Variants in PTPRO observed in about 807,000 individuals in gnomAD.
The protein encoded by PTPRO is protein tyrosine phosphatase receptor type O, also known as receptor-type tyrosine-protein phosphatase O.
A neutral mutation model predicts 145.2 loss-of-function variants in PTPRO; 62 were observed. The ratio of observed to expected loss-of-function variants is 0.43; its 90% CI spans 0.35 to 0.53. The LOEUF (loss-of-function observed/expected upper bound fraction) is 0.53, where lower values mean the gene tolerates loss of function less well. Among genes scored for constraint, PTPRO ranks in the 20% least tolerant of loss-of-function variants. The pLI is 0.01. For synonymous variants in PTPRO, 565 were observed against 514.7 expected, an observed-to-expected ratio of 1.10 and a Z score of -1.32; for missense variants, 1,345 against 1,482.7, an observed-to-expected ratio of 0.91 and a Z score of 1.53.
intron 2 of PTPRO, among the ~76,000 whole-genome samples, chr12:15,489,483 G>T (rs1248369972): frequency 6.6e-6 from 1 of 152,184 alleles, no homozygotes; most frequent in African/African-American, 2.4e-5. Flanking sequence ...GGAACTGAGG[G>T]TTTATGCCCC....
chr12:15,490,273 T>C (rs1440883833), intron 2 of PTPRO, among the ~76,000 whole-genome samples: 1 of 152,192 alleles, frequency 6.6e-6, no homozygotes, highest in Non-Finnish European at 1.5e-5. Context: ...TTTTCAAATC[T>C]ACAATTCATT....
intron 2 of PTPRO, among the ~76,000 whole-genome samples, chr12:15,496,142 G>GTTTTTTTTTTTTTTTTTTTTTTTTTTT (rs71042255): frequency 5.3e-5 from 4 of 75,366 alleles, no homozygotes; most frequent in Admixed American, 1.9e-4. Context: ...TTCTTTTTTT[G>GTTTTTTTTTTTTTTTTTTTTTTTTTTT]TTTTTTTTTT....
chr12:15,467,153 A>G (rs2136407900), intron 1 of PTPRO, among the ~76,000 whole-genome samples: 2 of 152,302 alleles, frequency 1.3e-5, no homozygotes, highest in Admixed American at 1.3e-4. Context: ...AGTAAGCTCT[A>G]GGTGCATAGC....
chr12:15,389,775 T>C (rs1189371703), intron 1 of PTPRO, among the ~76,000 whole-genome samples: 1 of 152,192 alleles, frequency 6.6e-6, no homozygotes. Context: ...CTTCCAACAT[T>C]GCCTGTTTCT....
chr12:15,552,354 C>T (rs538123831), intron 15 of PTPRO, among the ~76,000 whole-genome samples: 1 of 152,252 alleles, frequency 6.6e-6, no homozygotes, highest in Admixed American at 6.5e-5. Flanking sequence ...TATTTGAATA[C>T]TACTTGGTTT....
intron 14 of PTPRO, among the ~76,000 whole-genome samples, chr12:15,549,845 C>T (rs533730677): frequency 1.3e-5 from 2 of 152,300 alleles, no homozygotes; most frequent in African/African-American, 4.8e-5. Flanking sequence ...GGTTTAGTTC[C>T]ATTTCTGTAA....
intron 1 of PTPRO, among the ~76,000 whole-genome samples, chr12:15,409,797 C>T (rs901331815): frequency 6.6e-6 from 1 of 152,200 alleles, no homozygotes; most frequent in East Asian, 1.9e-4. Flanking sequence ...CTCACTATCT[C>T]AAGGACAGTA....
intron 25 of PTPRO, among the ~76,000 whole-genome samples, chr12:15,592,891 G>A (rs1280953034): frequency 6.6e-6 from 1 of 152,162 alleles, no homozygotes; most frequent in Non-Finnish European, 1.5e-5. Context: ...GTCAGTTGGG[G>A]CTTTGCTTTG....
At chr12:15,350,805 T>C (rs1160907000) in intron 1 of PTPRO, among the ~76,000 whole-genome samples, 1 of 152,162 alleles carries the variant, frequency 6.6e-6, no homozygotes, top group East Asian at 1.9e-4. Flanking sequence ...AGTTCACATA[T>C]ACACACAACT....
chr12:15,350,538 A>T (rs1331488400), intron 1 of PTPRO, among the ~76,000 whole-genome samples: 1 of 152,226 alleles, frequency 6.6e-6, no homozygotes, highest in Non-Finnish European at 1.5e-5. Flanking sequence ...ACTGATTGTT[A>T]AATCTGTCTT....
chr12:15,579,578 A>C (rs1944264784), intron 20 of PTPRO, among the ~76,000 whole-genome samples: 1 of 152,246 alleles, frequency 6.6e-6, no homozygotes, highest in Non-Finnish European at 1.5e-5. Context: ...ATAACACTTC[A>C]CATCTGTACA....
At chr12:15,382,396 C>A (rs1476084675) in intron 1 of PTPRO, among the ~76,000 whole-genome samples, 1 of 152,148 alleles carries the variant, frequency 6.6e-6, no homozygotes, top group African/African-American at 2.4e-5. Context: ...TTCCAGGTGG[C>A]AAGTGCCTGG....
chr12:15,422,824 G>C (rs566905696), intron 1 of PTPRO, among the ~76,000 whole-genome samples: 1 of 152,270 alleles, frequency 6.6e-6, no homozygotes, highest in African/African-American at 2.4e-5. Flanking sequence ...GAAGCACAAA[G>C]CACTGAGTAC....
chr12:15,339,788 CAT>C (rs1242259640), intron 1 of PTPRO, among the ~76,000 whole-genome samples: 1 of 152,068 alleles, frequency 6.6e-6, no homozygotes, highest in African/African-American at 2.4e-5. Context: ...AATTACAATT[CAT>C]ATATATATGC....
chr12:15,507,911 G>A (rs768156304), intron 6 of PTPRO, among the ~76,000 whole-genome samples: 1 of 152,208 alleles, frequency 6.6e-6, no homozygotes, highest in Non-Finnish European at 1.5e-5. Flanking sequence ...CATGTCTTGA[G>A]TCCTTACTAG....
chr12:15,472,468 T>G (rs253829), intron 1 of PTPRO, among the ~76,000 whole-genome samples: 140,785 of 152,200 alleles, frequency 0.93, 65,907 homozygotes, highest in East Asian at 1. Context: ...TCTATTCTGA[T>G]CATCCTCCGT....
chr12:15,425,866 A>T lies in PTPRO; in HGVS notation c.76-58108A>T, dbSNP rs193149383. ...GATGTTTAAGTGTTCCCTTTTTAAA[A>T]TATACTTGTCACTGTTCTCATTTAT... On this transcript the variant is annotated intron_variant, in intron 1 of 26. Transcript: ENST00000281171. Among the ~76,000 whole-genome samples, 11 of 152,144 alleles carry T rather than the reference A, an allele frequency of 7.2e-5. No homozygotes were observed. The East Asian group carries it at 1.9e-3, about 27-fold the overall frequency.
Position 15,580,755 on chromosome 12 carries a change from A to T in PTPRO, c.3056A>T (p.Asn1019Ile). The change falls in exon 22 of 27, where the codon AAT becomes ATT. Residue 1019 changes from asparagine (N) to isoleucine (I), a missense_variant. By Grantham distance (149) the Asn-to-Ile change is moderately radical. Around this residue, in one of 3 missense-constraint regions of PTPRO, gnomAD observed 7 missense variants for 25.3 expected, o/e 0.28. Transcript: ENST00000281171. ...ATQGPLPETR[N>I]DFWKMVLQQK... ...CAGGGGCCACTGCCTGAAACCAGAA[A>T]TGACTTCTGGAAGATGGTCCTGCAA... 6.8e-6 allele frequency: 11 copies of T among 1,614,014 alleles called. No individual in the cohort carries two copies. Among genetic ancestry groups the T allele is most frequent in the Non-Finnish European group, 8.5e-6 (10 of 1,179,886 alleles).
Position 15,509,620 on chromosome 12 carries a change from C to G in PTPRO, c.1464+853C>G, listed in dbSNP as rs1326798299. Among the ~76,000 whole-genome samples the G allele has an allele frequency of 3.4e-5, 4 of 118,814 alleles. 1 individual carries two copies. The highest frequency in any genetic ancestry group is 8.4e-3 in the Middle Eastern group (2 of 238). The allele number at this position is 118,814 out of a possible 152,430, so 77.9% of individuals were successfully genotyped here. A position where few individuals can be genotyped will look rare whatever the true frequency, so the allele number is the denominator to read the frequency against. ...GCTGAGGCAAGAGAATCACTTGAAC[C>G]CGGGAGGTGGGGGTTGCAGTGAGCC... On this transcript the variant is annotated intron_variant, in intron 7 of 26. Coordinates refer to ENST00000281171, the MANE Select transcript of PTPRO (RefSeq NM_030667.3).
Sources: allele counts gnomAD v4.1 joint callset (sites outside exome capture counted in the v4.1 genomes callset), GRCh38; gene constraint gnomAD v4.1.1; regional missense constraint gnomAD v4.1.1; transcripts MANE v1.5; gene names NCBI Gene and HGNC (gene_info 2026-07-23, HGNC 2026-07-21).